The following MICU3 variants were observed in gnomAD, a reference collection of about 807,000 sequenced individuals.
MICU3 encodes the protein calcium uptake protein 3, mitochondrial.
Under a neutral mutation model 66.5 loss-of-function variants are expected in MICU3, and 62 were observed. The observed-to-expected ratio is 0.93, with a 90% CI of 0.76 to 1.15. MICU3 has a LOEUF of 1.15. MICU3 is among the 50% of genes most tolerant of loss of function. The pLI is 0.00. For synonymous variants in MICU3, 308 were observed against 240.7 expected, an observed-to-expected ratio of 1.28 and a Z score of -2.59; for missense variants, 779 against 664.4, an observed-to-expected ratio of 1.17 and a Z score of -1.90.
chr8:17,063,442 A>T (rs534340946), intron 1 of MICU3, among the ~76,000 whole-genome samples: 2 of 147,366 alleles, frequency 1.4e-5, no homozygotes, highest in Non-Finnish European at 2.9e-5. Context: ...TCCTTTTATT[A>T]AAAAAAATTG....
chr8:17,125,407 G>A (rs866830368), downstream of MICU3, among the ~76,000 whole-genome samples: 20 of 151,154 alleles, frequency 1.3e-4, no homozygotes, highest in Admixed American at 1.3e-3. Flanking sequence ...TGTATTTTGG[G>A]TTTCTCATAT....
chr8:17,054,816 G>A (rs1055896077), intron 1 of MICU3, among the ~76,000 whole-genome samples: 5 of 141,226 alleles, frequency 3.5e-5, no homozygotes, highest in Non-Finnish European at 6.0e-5. Context: ...TCAGCTCACT[G>A]CAACCTCTGC....
At chr8:17,048,966 T>C (rs556211062) in intron 1 of MICU3, among the ~76,000 whole-genome samples, 1 of 152,256 alleles carries the variant, frequency 6.6e-6, no homozygotes, top group South Asian at 2.1e-4. Flanking sequence ...ATGCTGGGAA[T>C]TTATGAGCTT....
intron 1 of MICU3, among the ~76,000 whole-genome samples, chr8:17,054,738 C>CTTTTTTTTTTTTTTTTTTTTTT (rs559605289): frequency 3.3e-5 from 4 of 122,772 alleles, no homozygotes; most frequent in East Asian, 2.6e-4. Flanking sequence ...TTCTTTCTTT[C>CTTTTTTTTTTTTTTTTTTTTTT]TTTTTTTTTT....
chr8:17,056,454 C>T (rs1816946094), intron 1 of MICU3, among the ~76,000 whole-genome samples: 1 of 152,172 alleles, frequency 6.6e-6, no homozygotes, highest in Non-Finnish European at 1.5e-5. Flanking sequence ...GTAGTGCTCT[C>T]CTGCAGTCTT....
At chr8:17,061,530 C>T (rs1438862151) in intron 1 of MICU3, among the ~76,000 whole-genome samples, 1 of 152,000 alleles carries the variant, frequency 6.6e-6, no homozygotes, top group Non-Finnish European at 1.5e-5. Context: ...AGCCACAGAT[C>T]AAATATAGAT....
chr8:17,027,397 G>A lies in MICU3; in HGVS notation c.118G>A (p.Gly40Ser). Reference protein sequence around the residue: ...RPAVTTLGLPGRPFSSREDEE... With the variant: ...RPAVTTLGLPSRPFSSREDEE... ...TGCGGTGACCACCCTGGGCCTTCCT[G>A]GCCGGCCCTTCTCCTCCCGAGAGGA... Residue 40 changes from glycine to serine, a missense_variant, in exon 1 of 15, where the codon GGC (glycine) becomes AGC (serine). By Grantham distance (56) the Gly-to-Ser change is moderately conservative. Coordinates refer to ENST00000318063, the MANE Select transcript of MICU3 (RefSeq NM_181723.3). The A allele has an allele frequency of 1.4e-6, 2 of 1,436,618 alleles. No homozygotes were observed. Among genetic ancestry groups the A allele is most frequent in the Non-Finnish European group, 9.1e-7 (1 of 1,103,570 alleles). The allele number at this position is 1,436,618 out of a possible 1,614,324, so 89.0% of individuals were successfully genotyped here.
intron 1 of MICU3, among the ~76,000 whole-genome samples, chr8:17,041,344 C>T (rs1335760383): frequency 6.6e-6 from 1 of 151,228 alleles, no homozygotes; most frequent in East Asian, 1.9e-4. Context: ...AGGAAGCAGT[C>T]AGTTATACTG....
At chr8:17,072,220 G>T (rs537255907) in intron 3 of MICU3, among the ~76,000 whole-genome samples, 3 of 152,184 alleles carry the variant, frequency 2.0e-5, no homozygotes, top group Admixed American at 6.5e-5. Flanking sequence ...CTAGATCAAG[G>T]TAATAGAATA....
intron 14 of MICU3, among the ~76,000 whole-genome samples, chr8:17,119,320 A>G (rs563114828): frequency 7.2e-5 from 11 of 152,186 alleles, no homozygotes; most frequent in South Asian, 4.1e-4. Flanking sequence ...ATTATTTATA[A>G]CCCAAAAAAT....
At chr8:17,106,217 A>G (rs1198624805) in intron 11 of MICU3, among the ~76,000 whole-genome samples, 1 of 152,034 alleles carries the variant, frequency 6.6e-6, no homozygotes, top group Non-Finnish European at 1.5e-5. Flanking sequence ...TGTTTTAGAT[A>G]TATTGCCTTC....
At chr8:17,106,577 G>T (rs1801761940) in intron 11 of MICU3, among the ~76,000 whole-genome samples, 1 of 149,552 alleles carries the variant, frequency 6.7e-6, no homozygotes, top group African/African-American at 2.5e-5. Flanking sequence ...TTATTAAATG[G>T]AAATATTAAA....
intron 11 of MICU3, among the ~76,000 whole-genome samples, chr8:17,108,642 TGCTACCATCCAA>T (rs1424760023): frequency 6.6e-6 from 1 of 152,180 alleles, no homozygotes; most frequent in African/African-American, 2.4e-5. Flanking sequence ...CCACCTCCAC[TGCTACCATCCAA>T]GAAACCATTC....
intron 1 of MICU3, among the ~76,000 whole-genome samples, chr8:17,040,151 G>T (rs576821018): frequency 2.6e-5 from 4 of 151,938 alleles, no homozygotes; most frequent in Admixed American, 6.6e-5. Context: ...CAGGTGATCC[G>T]CCCACCTCGG....
chr8:17,098,040 A>G (rs1800901592), intron 8 of MICU3, among the ~76,000 whole-genome samples: 1 of 151,768 alleles, frequency 6.6e-6, no homozygotes, highest in Non-Finnish European at 1.5e-5. Context: ...TACACTAGCA[A>G]GATAAATGAT....
intron 7 of MICU3, among the ~76,000 whole-genome samples, chr8:17,089,720 G>T (rs903372931): frequency 6.6e-5 from 10 of 151,910 alleles, no homozygotes; most frequent in African/African-American, 2.4e-4. Context: ...TACGATGGGG[G>T]CATTAGGAGT....
intron 1 of MICU3, among the ~76,000 whole-genome samples, chr8:17,037,066 A>G (rs1331291263): frequency 6.6e-6 from 1 of 152,226 alleles, no homozygotes; most frequent in African/African-American, 2.4e-5. Flanking sequence ...CCGGGTGCTA[A>G]GTCCCTCACT....
At chr8:17,076,167 A>G (rs568324376) in intron 3 of MICU3, among the ~76,000 whole-genome samples, 2 of 152,126 alleles carry the variant, frequency 1.3e-5, no homozygotes, top group African/African-American at 2.4e-5. Flanking sequence ...AGCTGGGACT[A>G]TAGATGAACG....
chr8:17,079,084 G>A (rs1820798736), intron 4 of MICU3, among the ~76,000 whole-genome samples: 1 of 152,088 alleles, frequency 6.6e-6, no homozygotes, highest in Non-Finnish European at 1.5e-5. Context: ...AAGTTAAGGG[G>A]AGGGTTTAAT....
Sources: allele counts gnomAD v4.1 joint callset (sites outside exome capture counted in the v4.1 genomes callset), GRCh38; gene constraint gnomAD v4.1.1; transcripts MANE v1.5; gene names NCBI Gene and HGNC (gene_info 2026-07-23, HGNC 2026-07-21).